Variants in CFHR5 observed in about 807,000 individuals in gnomAD.
CFHR5 encodes complement factor H-related protein 5.
CFHR5 carries 73 observed loss-of-function variants against 62.9 expected under a neutral mutation model. That is an observed-to-expected ratio of 1.16 (90% CI 0.96 to 1.41). The LOEUF (loss-of-function observed/expected upper bound fraction) is 1.41, where lower values mean the gene tolerates loss of function less well. CFHR5 is among the 40% of genes most tolerant of loss of function. CFHR5 has a pLI of 0.00. For missense variants in CFHR5, 779 were observed against 679.9 expected, an observed-to-expected ratio of 1.15 and a Z score of -1.62; for synonymous variants, 249 against 227.2, an observed-to-expected ratio of 1.10 and a Z score of -0.86.
chr1:196,982,971 G>A lies in CFHR5; in HGVS notation c.145G>A (p.Glu49Lys). The change falls in exon 2 of 10, where the codon GAA (glutamate) becomes AAA (lysine). Residue 49 changes from glutamate to lysine, a missense_variant. Physicochemically the swap from Glu to Lys is moderately conservative, Grantham distance 56. Coordinates refer to ENST00000256785, the MANE Select transcript of CFHR5 (RefSeq NM_030787.4). ...YNPFSQVPTGEVFYYSCEYNF... is the reference protein window; with the variant it reads ...YNPFSQVPTGKVFYYSCEYNF... ...CCCTTTTTCCCAAGTTCCTACAGGG[G>A]AAGTTTTCTATTACTCCTGTGAATA... 2 of 1,614,066 alleles carry A rather than the reference G, an allele frequency of 1.2e-6. No individual in the cohort carries two copies. Among genetic ancestry groups the A allele is most frequent in the South Asian group, 1.1e-5 (1 of 91,046 alleles).
intron 6 of CFHR5, among the ~76,000 whole-genome samples, chr1:196,996,697 C>T (rs1356768648): frequency 6.6e-6 from 1 of 152,004 alleles, no homozygotes. Flanking sequence ...AGCTTGAGTT[C>T]TATTAAATTC....
chr1:196,988,435 C>T (rs1279853543), intron 3 of CFHR5, among the ~76,000 whole-genome samples: 1 of 152,074 alleles, frequency 6.6e-6, no homozygotes, highest in African/African-American at 2.4e-5. Context: ...AGAGGGCATC[C>T]CTGTCTTGTG....
chr1:197,002,364 A>T, intron 7 of CFHR5, 118 bp from the exon 8 acceptor site: 1 of 683,806 alleles, frequency 1.5e-6, no homozygotes, highest in Non-Finnish European at 2.6e-6. Context: ...AGAGAAAGTG[A>T]TAGAGAGACA....
At chr1:197,001,939 C>T (rs1353854871) in intron 7 of CFHR5, among the ~76,000 whole-genome samples, 1 of 152,016 alleles carries the variant, frequency 6.6e-6, no homozygotes, top group African/African-American at 2.4e-5. Flanking sequence ...ATAAGCCAAG[C>T]AACCAAAAAA....
chr1:196,983,108 A>T (rs1267134589), intron 2 of CFHR5, 29 bp downstream of exon 2: 6 of 1,612,042 alleles, frequency 3.7e-6, no homozygotes, highest in Non-Finnish European at 5.1e-6. Context: ...CATTAAATGG[A>T]TGTCATTCAG....
intron 7 of CFHR5, among the ~76,000 whole-genome samples, chr1:197,000,511 A>G (rs1002851873): frequency 2.6e-5 from 4 of 152,170 alleles, no homozygotes; most frequent in Admixed American, 2.6e-4. Context: ...TTTTTACCTA[A>G]AATATAAAAA....
Position 197,008,491 on chromosome 1 carries a change from A to C in CFHR5, c.1518A>C (p.Pro506=). Residue 506 remains proline (P), a synonymous_variant, in exon 10 of 10, where the codon CCA becomes CCC. Coordinates refer to ENST00000256785, the MANE Select transcript of CFHR5 (RefSeq NM_030787.4). ...TTTTACCATTTCTTCTTTCAGATCC[A>C]TGTGTGGTATCTGAAGAAAACATGA... The part of the protein sequence containing the change: ...QWSEPPRCLD[P]CVVSEENMNK... 1.3e-6 allele frequency: 2 copies of C among 1,583,342 alleles called. No individual in the cohort carries two copies. The highest frequency in any genetic ancestry group is 1.7e-6 in the Non-Finnish European group (2 of 1,156,076).
At chr1:196,979,496 A>G (rs996119251) in intron 1 of CFHR5, among the ~76,000 whole-genome samples, 4 of 152,144 alleles carry the variant, frequency 2.6e-5, no homozygotes, top group African/African-American at 9.7e-5. Flanking sequence ...TGTAGCACAA[A>G]TGTAAGAATG....
chr1:196,988,950 A>C (rs577633674), intron 3 of CFHR5, among the ~76,000 whole-genome samples: 1 of 152,284 alleles, frequency 6.6e-6, no homozygotes, highest in South Asian at 2.1e-4. Flanking sequence ...GAATGTGACC[A>C]GCTCCTCTTT....
rs1158005681 is a variant in CFHR5, at chr1:196,995,734, G to T, written c.625G>T (p.Gly209Cys). 1 of 1,612,790 alleles carries T rather than the reference G, an allele frequency of 6.2e-7. No individual in the cohort carries two copies. Among genetic ancestry groups the T allele is most frequent in the Admixed American group, 1.7e-5 (1 of 59,972 alleles). The change falls in exon 5 of 10, where the codon GGT becomes TGT. Residue 209 changes from glycine (G) to cysteine (C), a missense_variant. Coordinates refer to ENST00000256785, the MANE Select transcript of CFHR5 (RefSeq NM_030787.4). ...PTCKGQVRSC[G>C]PPPQLSNGEV... ...TATAATAGGACAAGTACGATCATGT[G>T]GTCCACCTCCTCAACTCTCCAATGG...
chr1:197,004,918 A>T, intron 9 of CFHR5, 75 bp downstream of exon 9: 1 of 1,112,646 alleles, frequency 9.0e-7, no homozygotes, highest in Non-Finnish European at 1.4e-6. Context: ...ATTTCATAGA[A>T]TAACCCTTAC....
In CFHR5 at chr1:196,983,950, T is replaced by C. The variant is rs1441291650; in HGVS notation, c.254-11T>C. On this transcript the variant is annotated splice_polypyrimidine_tract_variant and intron_variant, in intron 2 of 9. Coordinates refer to ENST00000256785, the MANE Select transcript of CFHR5 (RefSeq NM_030787.4). ...TTCCATCTTGTACATTAATCAATTTTTGTTCCTTAGGAATGTGTTCCTTTC... is the reference window on the plus strand; with the variant it reads ...TTCCATCTTGTACATTAATCAATTTCTGTTCCTTAGGAATGTGTTCCTTTC... The C allele has an allele frequency of 6.3e-7, 1 of 1,599,672 alleles. No homozygotes were observed. The highest frequency in any genetic ancestry group is 2.2e-5 in the East Asian group (1 of 44,738).
chr1:196,995,968 A>C, intron 5 of CFHR5, 54 bp from the exon 6 acceptor site: 1 of 1,596,626 alleles, frequency 6.3e-7, no homozygotes, highest in South Asian at 1.1e-5. Flanking sequence ...ATACACATGT[A>C]AACAGATTTA....
chr1:196,983,972 T>C lies in CFHR5; in HGVS notation c.265T>C (p.Phe89Leu). Residue 89 changes from phenylalanine to leucine, a missense_variant, in exon 3 of 10, where the codon TTT becomes CTT. Physicochemically the swap from Phe to Leu is conservative, Grantham distance 22. Coordinates refer to ENST00000256785, the MANE Select transcript of CFHR5 (RefSeq NM_030787.4). ...TTTTTGTTCCTTAGGAATGTGTTCC[T>C]TTCCTTTTGTGAAAAATGGTCATTC... ...PTPKCLRMCS[F>L]PFVKNGHSES... 1 of 1,610,162 alleles carries C rather than the reference T, an allele frequency of 6.2e-7. No homozygotes were observed. The highest frequency in any genetic ancestry group is 8.5e-7 in the Non-Finnish European group (1 of 1,177,492).
Position 196,982,913 on chromosome 1 carries a change from C to T in CFHR5, c.87C>T (p.His29=), listed in dbSNP as rs371063140. 4 of 1,613,870 alleles carry T rather than the reference C, an allele frequency of 2.5e-6. No homozygotes were observed. In the South Asian group the frequency reaches 3.3e-5, roughly 13 times the overall value. ...EGTLCDFPKI[H]HGFLYDEEDY... is the part of the protein sequence containing the mutation. ...CACTTTGTGATTTTCCAAAAATACA[C>T]CATGGATTTCTGTATGATGAAGAAG... The change falls in exon 2 of 10, where the codon CAC becomes CAT. Residue 29 remains histidine, a synonymous_variant. Transcript: ENST00000256785.
At chr1:196,993,865 A>G (rs1341575401) in intron 3 of CFHR5, among the ~76,000 whole-genome samples, 1 of 152,182 alleles carries the variant, frequency 6.6e-6, no homozygotes, top group Non-Finnish European at 1.5e-5. Flanking sequence ...ATTCTCATAG[A>G]AAATGTTACC....
intron 4 of CFHR5, among the ~76,000 whole-genome samples, 168 bp downstream of exon 4, chr1:196,994,424 T>C (rs1176901244): frequency 6.6e-6 from 1 of 152,168 alleles, no homozygotes; most frequent in African/African-American, 2.4e-5. Flanking sequence ...TATTTAGGTG[T>C]CCGTAATCAA....
At chr1:196,995,108 T>C (rs571571468) in intron 4 of CFHR5, among the ~76,000 whole-genome samples, 2 of 152,140 alleles carry the variant, frequency 1.3e-5, no homozygotes, top group Non-Finnish European at 2.9e-5. Flanking sequence ...AACTATACAT[T>C]GCATATGTAT....
chr1:197,008,351 A>T (rs1654345832), intron 9 of CFHR5, 136 bp from the exon 10 acceptor site: 1 of 381,396 alleles, frequency 2.6e-6, no homozygotes, highest in African/African-American at 2.1e-5. Flanking sequence ...AACTCAATAA[A>T]TATTATTTTT....
Sources: gnomAD v4.1 joint callset for allele counts (sites outside exome capture counted in the v4.1 genomes callset) on GRCh38, gnomAD v4.1.1 for gene constraint, MANE v1.5 for transcripts, NCBI Gene and HGNC (gene_info 2026-07-23, HGNC 2026-07-21) for gene names.